FAT3: variants seen among roughly 807,000 people sequenced by gnomAD.
FAT3 encodes the protein FAT atypical cadherin 3.
In FAT3, 95 loss-of-function variants were observed where a neutral mutation model predicts 310.2. The ratio of observed to expected loss-of-function variants is 0.31; its 90% CI spans 0.26 to 0.36. FAT3 has a LOEUF of 0.36. Ranked by LOEUF, FAT3 falls within the 10% of genes least tolerant of loss-of-function variation. The pLI, the probability that FAT3 is intolerant of heterozygous loss-of-function variation, is 1.00. For missense variants in FAT3, 5,408 were observed against 5,715.6 expected (o/e 0.95, Z 1.74); for synonymous variants, 2,314 against 2,192.9 (o/e 1.06, Z -1.54).
intron 1 of FAT3, among the ~76,000 whole-genome samples, chr11:92,247,095 C>G (rs145805570): frequency 5.9e-5 from 9 of 152,096 alleles, no homozygotes; most frequent in South Asian, 2.1e-4. Context: ...CTCAGTGATT[C>G]CAGCGACGTG....
At chr11:92,548,857 T>G (rs1954705992) in intron 3 of FAT3, among the ~76,000 whole-genome samples, 1 of 152,208 alleles carries the variant, frequency 6.6e-6, no homozygotes, top group South Asian at 2.1e-4. Context: ...GTGATAAGAC[T>G]GGTTATTTGT....
chr11:92,716,331 TTTA>T (rs1944685747), intron 4 of FAT3, among the ~76,000 whole-genome samples: 1 of 152,140 alleles, frequency 6.6e-6, no homozygotes, highest in Non-Finnish European at 1.5e-5. Context: ...GTTTCTTCCC[TTTA>T]AATGAAGTGA....
At position 92,257,529 on chromosome 11, in the gene FAT3, TA is replaced by T. The variant is rs1394429847; in HGVS notation, c.-18+32362del. 1.1e-4 allele frequency among the ~76,000 whole-genome samples: 16 copies of T among 152,104 alleles called. 1 individual carries two copies. Among genetic ancestry groups the T allele is most frequent in the Admixed American group, 3.9e-4 (6 of 15,244 alleles). ...AAATTTTAGGCAGGAAAAAATTGCC[TA>T]AAAAAATATCGACAAAATGTGAAGC... On this transcript the variant is annotated intron_variant, in intron 1 of 27. Transcript: ENST00000525166.
At chr11:92,462,903 T>A (rs1450464653) in intron 2 of FAT3, among the ~76,000 whole-genome samples, 1 of 152,220 alleles carries the variant, frequency 6.6e-6, no homozygotes, top group Non-Finnish European at 1.5e-5. Context: ...AATCTCACTT[T>A]CCTGCAGTCA....
chr11:92,448,630 A>T (rs1591305120), intron 2 of FAT3, among the ~76,000 whole-genome samples: 1 of 152,096 alleles, frequency 6.6e-6, no homozygotes, highest in Admixed American at 6.6e-5. Context: ...TTCAAATAGC[A>T]TTTCTTGTTC....
intron 3 of FAT3, among the ~76,000 whole-genome samples, chr11:92,550,452 C>A (rs1954771280): frequency 6.6e-6 from 1 of 152,192 alleles, no homozygotes; most frequent in African/African-American, 2.4e-5. Context: ...GATGCAGAAT[C>A]TTTTCCAGGG....
chr11:92,837,638 C>G, intron 16 of FAT3, 25 bp from the exon 17 acceptor site: 1 of 1,612,910 alleles, frequency 6.2e-7, no homozygotes, highest in Non-Finnish European at 8.5e-7. Context: ...CACCTCTTTA[C>G]TGTCACCTCT....
intron 1 of FAT3, among the ~76,000 whole-genome samples, chr11:92,282,380 G>A (rs1161109654): frequency 6.6e-6 from 1 of 152,092 alleles, no homozygotes; most frequent in South Asian, 2.1e-4. Flanking sequence ...AAAGCATGAT[G>A]TTGGCCAGGC....
intron 2 of FAT3, among the ~76,000 whole-genome samples, chr11:92,396,741 T>C (rs1949878454): frequency 6.6e-6 from 1 of 152,188 alleles, no homozygotes; most frequent in Non-Finnish European, 1.5e-5. Context: ...ACTTTCATTC[T>C]TGTTGCTCAA....
chr11:92,633,627 TAAAC>T (rs1941643414), intron 3 of FAT3, among the ~76,000 whole-genome samples: 1 of 152,164 alleles, frequency 6.6e-6, no homozygotes, highest in Non-Finnish European at 1.5e-5. Flanking sequence ...CACCTCTTTT[TAAAC>T]AGTACATTGA....
At chr11:92,807,173 T>G (rs1947527326) in intron 12 of FAT3, among the ~76,000 whole-genome samples, 1 of 152,128 alleles carries the variant, frequency 6.6e-6, no homozygotes, top group Non-Finnish European at 1.5e-5. Flanking sequence ...GTTTTCTTAG[T>G]CAGATGAGGA....
At chr11:92,374,580 C>G (rs545618561) in intron 2 of FAT3, among the ~76,000 whole-genome samples, 1 of 152,324 alleles carries the variant, frequency 6.6e-6, no homozygotes, top group African/African-American at 2.4e-5. Flanking sequence ...TAAAAACCCA[C>G]TATGAACTGT....
intron 7 of FAT3, among the ~76,000 whole-genome samples, chr11:92,775,059 C>A (rs1946563818): frequency 6.6e-6 from 1 of 152,048 alleles, no homozygotes. Flanking sequence ...ATGCTGTAAC[C>A]CCTCTCTTAG....
chr11:92,467,554 A>G (rs1951797497), intron 2 of FAT3, among the ~76,000 whole-genome samples: 1 of 152,066 alleles, frequency 6.6e-6, no homozygotes. Flanking sequence ...CCTATACATA[A>G]TTTAAATAGT....
At chr11:92,334,567 T>C (rs1456747050) in intron 1 of FAT3, among the ~76,000 whole-genome samples, 1 of 152,092 alleles carries the variant, frequency 6.6e-6, no homozygotes, top group Non-Finnish European at 1.5e-5. Flanking sequence ...TTTTTCTTTC[T>C]TTCTTTTTAA....
intron 2 of FAT3, among the ~76,000 whole-genome samples, chr11:92,370,439 T>C (rs1351386462): frequency 6.6e-6 from 1 of 152,230 alleles, no homozygotes; most frequent in African/African-American, 2.4e-5. Context: ...TCATGCGTGT[T>C]GGTCCTCTGT....
chr11:92,469,179 T>C (rs1269374796), intron 2 of FAT3, among the ~76,000 whole-genome samples: 1 of 152,200 alleles, frequency 6.6e-6, no homozygotes, highest in Non-Finnish European at 1.5e-5. Context: ...GATTGTTTCA[T>C]TCAAAAACCC....
chr11:92,795,843 G>A (rs1013050489), intron 9 of FAT3, among the ~76,000 whole-genome samples: 2 of 152,216 alleles, frequency 1.3e-5, no homozygotes, highest in African/African-American at 4.8e-5. Flanking sequence ...AGGAGACAGA[G>A]GTTGCAGTGA....
At chr11:92,847,541 A>G (rs1948720654) in intron 19 of FAT3, among the ~76,000 whole-genome samples, 1 of 152,202 alleles carries the variant, frequency 6.6e-6, no homozygotes, top group South Asian at 2.1e-4. Context: ...TCACAATACA[A>G]TCCCAGTAAG....
Sources: allele counts gnomAD v4.1 joint callset (sites outside exome capture counted in the v4.1 genomes callset), GRCh38; gene constraint gnomAD v4.1.1; transcripts MANE v1.5; gene names NCBI Gene and HGNC (gene_info 2026-07-23, HGNC 2026-07-21).